HPSE2: variants seen among roughly 807,000 people sequenced by gnomAD.
The protein encoded by HPSE2 is heparanase 2 (inactive).
A neutral mutation model predicts 60.5 loss-of-function variants in HPSE2; 38 were observed. That is an observed-to-expected ratio of 0.63 (90% CI 0.48 to 0.82). The LOEUF is 0.82. Among genes scored for constraint, HPSE2 ranks in the 40% least tolerant of loss-of-function variants. HPSE2 has a pLI of 0.00. For missense variants in HPSE2, 713 were observed against 740.4 expected, an observed-to-expected ratio of 0.96 and a Z score of 0.43; for synonymous variants, 295 against 293.2, an observed-to-expected ratio of 1.01 and a Z score of -0.06.
chr10:99,166,429 G>A (rs1180724268), intron 2 of HPSE2, among the ~76,000 whole-genome samples: 1 of 152,146 alleles, frequency 6.6e-6, no homozygotes, highest in African/African-American at 2.4e-5. Flanking sequence ...CACCAGCATT[G>A]TATAAGAGTT....
At chr10:99,053,494 C>T (rs570010837) in intron 3 of HPSE2, among the ~76,000 whole-genome samples, 1 of 152,040 alleles carries the variant, frequency 6.6e-6, no homozygotes, top group African/African-American at 2.4e-5. Flanking sequence ...ACAAAGGAAA[C>T]AACAAAACGA....
At chr10:99,008,114 C>T (rs553547598) in intron 3 of HPSE2, among the ~76,000 whole-genome samples, 1 of 152,306 alleles carries the variant, frequency 6.6e-6, no homozygotes, top group East Asian at 1.9e-4. Context: ...CCATAGAGCA[C>T]CAGAGCCCAG....
chr10:99,045,848 A>G (rs190249559), intron 3 of HPSE2, among the ~76,000 whole-genome samples: 2 of 152,178 alleles, frequency 1.3e-5, no homozygotes, highest in Admixed American at 1.3e-4. Flanking sequence ...AATTTAAAAA[A>G]CCTACCAACC....
At chr10:99,252,058 A>T in the HPSE2 span, among the ~76,000 whole-genome samples, 30 of 152,026 alleles carry the variant, frequency 2.0e-4, no homozygotes, top group Middle Eastern at 3.4e-3. Flanking sequence ...CATACATACA[A>T]ACAAAAAACA....
In HPSE2 at chr10:98,973,731, G is replaced by GA. The variant is rs201533433; in HGVS notation, c.610+170506dup. ...ACAAGAATATAGCATTTTTGCCAAG[G>GA]AAAAAAATAAGGGACCTGAGTTTTT... On this transcript the variant is annotated intron_variant, in intron 3 of 11. Coordinates refer to ENST00000370552, the MANE Select transcript of HPSE2 (RefSeq NM_021828.5). Among the ~76,000 whole-genome samples the GA allele has an allele frequency of 7.3e-4, 111 of 151,362 alleles. 2 individuals carry two copies. In the East Asian group the frequency reaches 0.02, roughly 27 times the overall value.
At chr10:99,133,791 T>G (rs1845539215) in intron 3 of HPSE2, among the ~76,000 whole-genome samples, 1 of 151,996 alleles carries the variant, frequency 6.6e-6, no homozygotes, top group Non-Finnish European at 1.5e-5. Flanking sequence ...GGCTGAAAAT[T>G]CCAAAAACCA....
intron 9 of HPSE2, among the ~76,000 whole-genome samples, chr10:98,518,797 C>A (rs1216233058): frequency 2.0e-5 from 3 of 152,058 alleles, no homozygotes; most frequent in Non-Finnish European, 2.9e-5. Flanking sequence ...GAGATCGGCC[C>A]AGTTCCTGGT....
intron 3 of HPSE2, among the ~76,000 whole-genome samples, chr10:99,064,091 C>CA (rs1462127756): frequency 6.6e-6 from 1 of 151,882 alleles, no homozygotes; most frequent in African/African-American, 2.4e-5. Flanking sequence ...GACTCCGTCT[C>CA]AAAAAACAAA....
Position 99,071,069 on chromosome 10 carries a change from CTT to C in HPSE2, c.610+73167_610+73168del, listed in dbSNP as rs35699449. Among the ~76,000 whole-genome samples the C allele has an allele frequency of 3.3e-3, 433 of 132,516 alleles. 2 individuals carry two copies. Among genetic ancestry groups the C allele is most frequent in the African/African-American group, 0.011 (397 of 36,290 alleles). 86.9% of individuals were successfully genotyped at this position (132,516 alleles called of 152,430 possible). A position where few individuals can be genotyped will look rare whatever the true frequency, so the allele number is the denominator to read the frequency against. ...TAATATGGTATTTCTATTTTTAATT[CTT>C]TTTTTTTTTTTTTTTGAGATGGAGT... On this transcript the variant is annotated intron_variant, in intron 3 of 11. Transcript: ENST00000370552.
chr10:98,832,642 G>A (rs1028653944), intron 3 of HPSE2, among the ~76,000 whole-genome samples: 1 of 152,150 alleles, frequency 6.6e-6, no homozygotes, highest in Non-Finnish European at 1.5e-5. Context: ...CGTGGGAAAG[G>A]ATTTAGATAA....
At chr10:98,613,515 T>A (rs1240554876) in intron 9 of HPSE2, among the ~76,000 whole-genome samples, 1 of 152,184 alleles carries the variant, frequency 6.6e-6, no homozygotes, top group African/African-American at 2.4e-5. Flanking sequence ...ACTGGTGCTG[T>A]GGGTGCTGAG....
intron 3 of HPSE2, among the ~76,000 whole-genome samples, chr10:99,003,854 T>C (rs1040086125): frequency 2.0e-5 from 3 of 152,126 alleles, no homozygotes; most frequent in Non-Finnish European, 4.4e-5. Context: ...ATTTTTCCTC[T>C]TTTTGCCTAT....
At chr10:99,314,890 A>C in the HPSE2 span, among the ~76,000 whole-genome samples, 1 of 152,204 alleles carries the variant, frequency 6.6e-6, no homozygotes, top group African/African-American at 2.4e-5. Flanking sequence ...ATTACGTTTA[A>C]TTATCTATTG....
intron 3 of HPSE2, among the ~76,000 whole-genome samples, chr10:98,806,060 T>C (rs747025262): frequency 5.9e-5 from 9 of 152,190 alleles, no homozygotes; most frequent in Non-Finnish European, 1.0e-4. Flanking sequence ...GCATGGACTA[T>C]TGTTCTCTGG....
intron 3 of HPSE2, among the ~76,000 whole-genome samples, chr10:98,797,712 T>G (rs1031309913): frequency 2.0e-5 from 3 of 151,684 alleles, no homozygotes; most frequent in African/African-American, 7.3e-5. Context: ...AGCGTGGTGG[T>G]GGGCGTCTGT....
At chr10:98,651,921 G>A (rs1222037051) in intron 6 of HPSE2, among the ~76,000 whole-genome samples, 9 of 151,880 alleles carry the variant, frequency 5.9e-5, no homozygotes, top group South Asian at 2.1e-4. Context: ...ACAGGCACCT[G>A]CAACCATGCC....
chr10:98,462,113 C>T (rs1940317263), intron 11 of HPSE2, among the ~76,000 whole-genome samples: 1 of 152,136 alleles, frequency 6.6e-6, no homozygotes, highest in South Asian at 2.1e-4. Context: ...TATGAAAGTG[C>T]TTTGAAAGCA....
intron 3 of HPSE2, among the ~76,000 whole-genome samples, chr10:98,850,679 G>T (rs1320730941): frequency 1.4e-5 from 2 of 144,210 alleles, no homozygotes; most frequent in East Asian, 2.1e-4. Context: ...GGAGCTTGCA[G>T]TGAGCGGAGA....
At chr10:99,019,649 T>C (rs1312231306) in intron 3 of HPSE2, among the ~76,000 whole-genome samples, 1 of 152,116 alleles carries the variant, frequency 6.6e-6, no homozygotes, top group Non-Finnish European at 1.5e-5. Flanking sequence ...CTTCAGGTGG[T>C]TTTCCCCCTC....
Sources: allele counts gnomAD v4.1 joint callset (sites outside exome capture counted in the v4.1 genomes callset), GRCh38; gene constraint gnomAD v4.1.1; transcripts MANE v1.5; gene names NCBI Gene and HGNC (gene_info 2026-07-23, HGNC 2026-07-21).